Variants in PCSK5 observed in about 807,000 individuals in gnomAD.
PCSK5 encodes proprotein convertase subtilisin/kexin type 5.
In PCSK5, 129 loss-of-function variants were observed where a neutral mutation model predicts 233.2. The ratio of observed to expected loss-of-function variants is 0.55; its 90% CI spans 0.48 to 0.64. PCSK5 has a LOEUF of 0.64. PCSK5 is among the 30% of genes least tolerant of loss of function. The pLI is 0.00. For missense variants in PCSK5, 2,076 were observed against 2,430.1 expected (o/e 0.85, Z 3.06); for synonymous variants, 825 against 879.2 (o/e 0.94, Z 1.09).
intron 2 of PCSK5, among the ~76,000 whole-genome samples, chr9:75,962,265 T>C (rs1285338376): frequency 6.6e-6 from 1 of 152,142 alleles, no homozygotes; most frequent in Non-Finnish European, 1.5e-5. Context: ...AGGGTGGATA[T>C]GTCGTTCTTC....
intron 24 of PCSK5, among the ~76,000 whole-genome samples, chr9:76,268,953 G>A (rs1385525146): frequency 6.6e-6 from 1 of 152,222 alleles, no homozygotes; most frequent in East Asian, 1.9e-4. Flanking sequence ...TTTGGCTTTG[G>A]CCAAGTCCCT....
At chr9:76,258,468 A>C (rs1827054525) in intron 24 of PCSK5, among the ~76,000 whole-genome samples, 1 of 152,194 alleles carries the variant, frequency 6.6e-6, no homozygotes, top group African/African-American at 2.4e-5. Context: ...GCCCAAGCTA[A>C]TTGTAAAATT....
chr9:76,084,152 T>G (rs1830968288), intron 7 of PCSK5, among the ~76,000 whole-genome samples: 1 of 152,228 alleles, frequency 6.6e-6, no homozygotes, highest in African/African-American at 2.4e-5. Flanking sequence ...AAGCTAAGAC[T>G]TGGTTTGCCG....
chr9:76,090,581 G>A (rs1331841612), intron 7 of PCSK5, among the ~76,000 whole-genome samples: 1 of 152,126 alleles, frequency 6.6e-6, no homozygotes, highest in Non-Finnish European at 1.5e-5. Context: ...ATCCAATGAC[G>A]GGCAGGCCAT....
chr9:75,979,602 G>A (rs777831701), intron 2 of PCSK5, among the ~76,000 whole-genome samples: 7 of 152,210 alleles, frequency 4.6e-5, no homozygotes, highest in Non-Finnish European at 7.3e-5. Flanking sequence ...GATTGCAATA[G>A]GCATCTGTAG....
intron 8 of PCSK5, among the ~76,000 whole-genome samples, chr9:76,097,545 C>G (rs1277220801): frequency 6.6e-6 from 1 of 152,228 alleles, no homozygotes; most frequent in African/African-American, 2.4e-5. Context: ...ATCCTGCACT[C>G]TAGGCAAACA....
At chr9:75,940,918 C>A (rs1490895418) in intron 2 of PCSK5, among the ~76,000 whole-genome samples, 1 of 152,160 alleles carries the variant, frequency 6.6e-6, no homozygotes, top group African/African-American at 2.4e-5. Flanking sequence ...GTTAAAGAAC[C>A]TTATTTAGTT....
At chr9:75,890,484 T>C (rs1205694715), upstream of PCSK5, among the ~76,000 whole-genome samples, 7 of 152,136 alleles carry the variant, frequency 4.6e-5, no homozygotes, top group Non-Finnish European at 4.4e-5. Context: ...TTGGAAAGAC[T>C]TGCCTTTACT....
intron 24 of PCSK5, among the ~76,000 whole-genome samples, chr9:76,289,190 A>T (rs1828184721): frequency 6.6e-6 from 1 of 152,108 alleles, no homozygotes. Flanking sequence ...GAAAGACGGC[A>T]TCCCCGTCCT....
chr9:76,212,215 A>T (rs1825355946), intron 20 of PCSK5, among the ~76,000 whole-genome samples: 1 of 152,140 alleles, frequency 6.6e-6, no homozygotes, highest in African/African-American at 2.4e-5. Flanking sequence ...CATTTCTTTC[A>T]TCATTTTGGT....
At chr9:76,045,167 T>A (rs1829320990) in intron 5 of PCSK5, among the ~76,000 whole-genome samples, 1 of 152,234 alleles carries the variant, frequency 6.6e-6, no homozygotes, top group South Asian at 2.1e-4. Flanking sequence ...CTTCAGTGAA[T>A]GATCAGAAAA....
chr9:76,071,911 A>C lies in PCSK5; in HGVS notation c.894+13A>C, dbSNP rs1483355158. ...CGGCGTTAGAATGGTAGGTTTTAAAAGCATGGAGGCTTATACTGTGTGGAT... is the reference window on the plus strand; with the variant it reads ...CGGCGTTAGAATGGTAGGTTTTAAACGCATGGAGGCTTATACTGTGTGGAT... On this transcript the variant is annotated intron_variant, in intron 7 of 37. Coordinates refer to ENST00000674117, the MANE Select transcript of PCSK5 (RefSeq NM_001372043.1). 6.2e-7 allele frequency: 1 copy of C among 1,612,534 alleles called. No homozygotes were observed.
intron 10 of PCSK5, among the ~76,000 whole-genome samples, chr9:76,145,109 A>T (rs1360284964): frequency 2.0e-5 from 3 of 152,132 alleles, no homozygotes; most frequent in Non-Finnish European, 2.9e-5. Flanking sequence ...TGAGCGACAG[A>T]GCAAGACTCC....
chr9:76,324,664 CCTT>C (rs1192357495), intron 32 of PCSK5, among the ~76,000 whole-genome samples: 2 of 152,210 alleles, frequency 1.3e-5, no homozygotes, highest in Middle Eastern at 3.4e-3. Context: ...ATTTATACCT[CCTT>C]ATGTTTTAAC....
intron 5 of PCSK5, among the ~76,000 whole-genome samples, chr9:76,031,195 A>G (rs1286054464): frequency 6.6e-6 from 1 of 152,188 alleles, no homozygotes; most frequent in Non-Finnish European, 1.5e-5. Context: ...GATATGATCA[A>G]TGGATCTATC....
At chr9:76,156,896 A>T (rs1009388866) in intron 10 of PCSK5, 149 bp from the exon 11 acceptor site, 1 of 653,448 alleles carries the variant, frequency 1.5e-6, no homozygotes, top group Admixed American at 2.3e-5. Flanking sequence ...TGACATGACT[A>T]TGTATTTGTT....
intron 3 of PCSK5, among the ~76,000 whole-genome samples, chr9:76,009,197 T>C (rs762445800): frequency 2.0e-5 from 3 of 152,200 alleles, no homozygotes; most frequent in Non-Finnish European, 4.4e-5. Flanking sequence ...ATAACAAACG[T>C]AGTGATCATA....
intron 2 of PCSK5, among the ~76,000 whole-genome samples, chr9:75,967,364 T>G (rs945637812): frequency 2.6e-5 from 4 of 152,230 alleles, no homozygotes; most frequent in Non-Finnish European, 4.4e-5. Flanking sequence ...TTTCTGTTCC[T>G]GCATTAATTT....
chr9:75,977,234 T>C (rs1327989945), intron 2 of PCSK5, among the ~76,000 whole-genome samples: 1 of 152,086 alleles, frequency 6.6e-6, no homozygotes, highest in Non-Finnish European at 1.5e-5. Flanking sequence ...TAACTATTAT[T>C]TTAAGTTCAG....
Sources: allele counts gnomAD v4.1 joint callset (sites outside exome capture counted in the v4.1 genomes callset), GRCh38; gene constraint gnomAD v4.1.1; transcripts MANE v1.5; gene names NCBI Gene and HGNC (gene_info 2026-07-23, HGNC 2026-07-21).